Variants in DNAH8 observed in about 807,000 individuals in gnomAD.
DNAH8 encodes dynein axonemal heavy chain 8.
A neutral mutation model predicts 562.1 loss-of-function variants in DNAH8; 382 were observed. The observed-to-expected ratio is 0.68, with a 90% CI of 0.63 to 0.74. The LOEUF (loss-of-function observed/expected upper bound fraction) is 0.74, where lower values mean the gene tolerates loss of function less well. DNAH8 is among the 30% of genes least tolerant of loss of function. DNAH8 has a pLI of 0.00. For synonymous variants in DNAH8, 1,881 were observed against 1,919.4 expected, an observed-to-expected ratio of 0.98 and a Z score of 0.52; for missense variants, 5,203 against 5,620.4, an observed-to-expected ratio of 0.93 and a Z score of 2.37.
intron 5 of DNAH8, among the ~76,000 whole-genome samples, chr6:38,735,828 C>T (rs1764039971): frequency 6.6e-6 from 1 of 152,106 alleles, no homozygotes; most frequent in Non-Finnish European, 1.5e-5. Context: ...GCTCAGACTG[C>T]TCCTTTTGTC....
chr6:38,965,929 T>A (rs1344541814), intron 82 of DNAH8, among the ~76,000 whole-genome samples: 1 of 152,018 alleles, frequency 6.6e-6, no homozygotes, highest in African/African-American at 2.4e-5. Flanking sequence ...TACAAATTAA[T>A]AACAACCTTC....
At chr6:38,843,947 C>T (rs952614126) in intron 35 of DNAH8, among the ~76,000 whole-genome samples, 9 of 152,114 alleles carry the variant, frequency 5.9e-5, no homozygotes, top group African/African-American at 1.4e-4. Flanking sequence ...GTTGTAATAG[C>T]GGTCTCCTTC....
intron 21 of DNAH8, 151 bp from the exon 22 acceptor site, chr6:38,803,028 G>A: frequency 1.8e-6 from 1 of 544,028 alleles, no homozygotes; most frequent in Non-Finnish European, 3.1e-6. Flanking sequence ...TGACAATTTT[G>A]AATCTGAAGC....
At chr6:38,816,360 G>C (rs978291290) in intron 26 of DNAH8, among the ~76,000 whole-genome samples, 1 of 152,116 alleles carries the variant, frequency 6.6e-6, no homozygotes, top group African/African-American at 2.4e-5. Context: ...TCCTGCATTA[G>C]TTTGCCAAGG....
At chr6:38,937,926 G>A in intron 77 of DNAH8, 48 bp from the exon 78 acceptor site, 1 of 1,567,636 alleles carries the variant, frequency 6.4e-7, no homozygotes, top group Admixed American at 1.8e-5. Context: ...ATCTTGCTTT[G>A]CAAGTTTCCC....
At chr6:38,993,585 T>G (rs116280816) in intron 88 of DNAH8, among the ~76,000 whole-genome samples, 2,158 of 152,270 alleles carry the variant, frequency 0.014, 19 homozygotes, top group Non-Finnish European at 0.021. Flanking sequence ...CAAACACAGT[T>G]TCTGGTTTAT....
chr6:38,960,872 C>G (rs774297922), intron 82 of DNAH8, among the ~76,000 whole-genome samples: 1 of 151,804 alleles, frequency 6.6e-6, no homozygotes, highest in Non-Finnish European at 1.5e-5. Context: ...GTAGAGGTAT[C>G]TATCTGTACT....
At position 39,013,638 on chromosome 6, in the gene DNAH8, G is replaced by T. The variant is rs553401328; in HGVS notation, c.13714+1001G>T. 2.6e-4 allele frequency among the ~76,000 whole-genome samples: 40 copies of T among 152,302 alleles called. No individual in the cohort carries two copies. In the South Asian group the frequency reaches 7.9e-3, roughly 30 times the overall value. On this transcript the variant is annotated intron_variant, in intron 91 of 92. Coordinates refer to ENST00000327475, the MANE Select transcript of DNAH8 (RefSeq NM_001206927.2). Reference sequence around the variant, plus strand: ...AGGTCAAGGTGGGCAAGTTGCTTGAGCCCAAGAGTTTAAGACCAGTGGGGC... The same window carrying T: ...AGGTCAAGGTGGGCAAGTTGCTTGATCCCAAGAGTTTAAGACCAGTGGGGC...
rs2273094 is a variant in DNAH8, at chr6:39,026,409, G to A, written c.13715-137G>A. The A allele has an allele frequency of 0.16, 126,175 of 784,994 alleles. 12,133 individuals carry two copies. The highest frequency in any genetic ancestry group is 0.41 in the East Asian group (15,941 of 38,974). 48.6% of individuals were successfully genotyped at this position (784,994 alleles called of 1,614,324 possible). A position where few individuals can be genotyped will look rare whatever the true frequency, so the allele number is the denominator to read the frequency against. ...AAACACTGAGACAAATGTCTCCCCTGGGGTTTGGCCTCAACTCCTTTTGAG... is the reference window on the plus strand; with the variant it reads ...AAACACTGAGACAAATGTCTCCCCTAGGGTTTGGCCTCAACTCCTTTTGAG... On this transcript the variant is annotated intron_variant, in intron 91 of 92. Coordinates refer to ENST00000327475, the MANE Select transcript of DNAH8 (RefSeq NM_001206927.2).
intron 73 of DNAH8, among the ~76,000 whole-genome samples, chr6:38,924,508 C>CG (rs929561078): frequency 6.7e-6 from 1 of 149,898 alleles, no homozygotes; most frequent in Non-Finnish European, 1.5e-5. Context: ...CCATCCCCCC[C>CG]CCAAAAAAAA....
At chr6:38,859,066 A>G (rs986216109) in intron 42 of DNAH8, among the ~76,000 whole-genome samples, 1 of 152,226 alleles carries the variant, frequency 6.6e-6, no homozygotes, top group Non-Finnish European at 1.5e-5. Flanking sequence ...TTGCATCCCA[A>G]CTAAATGAGA....
chr6:39,010,194 T>C (rs10484852), intron 89 of DNAH8, among the ~76,000 whole-genome samples: 23,473 of 152,066 alleles, frequency 0.15, 1,933 homozygotes, highest in Middle Eastern at 0.25. Context: ...TGGGAAAGAG[T>C]TTGTACTAAG....
intron 82 of DNAH8, among the ~76,000 whole-genome samples, chr6:38,955,939 C>A (rs927916238): frequency 2.6e-5 from 4 of 152,220 alleles, no homozygotes; most frequent in African/African-American, 9.6e-5. Flanking sequence ...TGGCCCTGCT[C>A]CCCAAGGAGT....
At chr6:38,868,256 G>T in intron 48 of DNAH8, 60 bp downstream of exon 48, 1 of 1,502,494 alleles carries the variant, frequency 6.7e-7, no homozygotes, top group South Asian at 1.3e-5. Flanking sequence ...TCTATTTGGT[G>T]GACAAGTAGA....
intron 82 of DNAH8, among the ~76,000 whole-genome samples, chr6:38,966,759 G>A (rs913741060): frequency 6.6e-6 from 1 of 152,190 alleles, no homozygotes; most frequent in Non-Finnish European, 1.5e-5. Context: ...TGCTGTCTTA[G>A]TCTGTTTGAG....
At chr6:38,937,430 C>T (rs953946911) in intron 77 of DNAH8, among the ~76,000 whole-genome samples, 2 of 152,002 alleles carry the variant, frequency 1.3e-5, no homozygotes, top group African/African-American at 2.4e-5. Context: ...TTTCACTATA[C>T]CCAATTTGCT....
intron 53 of DNAH8, among the ~76,000 whole-genome samples, chr6:38,876,678 G>C (rs1408813338): frequency 6.6e-6 from 1 of 152,100 alleles, no homozygotes; most frequent in Non-Finnish European, 1.5e-5. Flanking sequence ...AAAACCACAG[G>C]GCTGGTTATA....
At chr6:38,808,371 C>G (rs1479879944) in intron 24 of DNAH8, among the ~76,000 whole-genome samples, 1 of 152,150 alleles carries the variant, frequency 6.6e-6, no homozygotes, top group African/African-American at 2.4e-5. Context: ...AAAATTCTTG[C>G]CAACATACAG....
At chr6:38,959,471 G>A (rs74812792) in intron 82 of DNAH8, among the ~76,000 whole-genome samples, 2,638 of 152,024 alleles carry the variant, frequency 0.017, 34 homozygotes, top group Non-Finnish European at 0.029. Flanking sequence ...TCTATATGCC[G>A]ACATTGAACT....
Sources: gnomAD v4.1 joint callset for allele counts (sites outside exome capture counted in the v4.1 genomes callset) on GRCh38, gnomAD v4.1.1 for gene constraint, MANE v1.5 for transcripts, NCBI Gene and HGNC (gene_info 2026-07-23, HGNC 2026-07-21) for gene names.